Variants in HDAC8 observed in about 807,000 individuals in gnomAD.
HDAC8 encodes histone deacetylase 8, also known as histone deacetylase-like 1.
HDAC8 carries 1 observed loss-of-function variant against 32.2 expected under a neutral mutation model. That is an observed-to-expected ratio of 0.03 (90% CI 0.01 to 0.15). The LOEUF (loss-of-function observed/expected upper bound fraction) is 0.15, where lower values mean the gene tolerates loss of function less well. HDAC8 is among the 10% of genes least tolerant of loss of function. The probability of loss-of-function intolerance (pLI) is 1.00; values close to 1 mark genes in which losing one functional copy is unlikely to be tolerated. For synonymous variants in HDAC8, 108 were observed against 113.9 expected, an observed-to-expected ratio of 0.95 and a Z score of 0.33; for missense variants, 117 against 300.0, an observed-to-expected ratio of 0.39 and a Z score of 4.51.
intron 6 of HDAC8, 38 bp downstream of exon 6, chrX:72,490,891 T>A (rs2048849769): frequency 1.0e-6 from 1 of 952,459 alleles, no homozygotes; most frequent in African/African-American, 1.9e-5. Context: ...TTTCAGTATT[T>A]AGTCATCAAA....
intron 9 of HDAC8, among the ~76,000 whole-genome samples, chrX:72,442,548 A>C (rs1420663652): frequency 8.9e-6 from 1 of 112,066 alleles, no homozygotes; most frequent in Non-Finnish European, 1.9e-5. Context: ...CTAAACATGG[A>C]AAAGAACAAC....
chrX:72,367,534 C>T (rs781896156), intron 9 of HDAC8, among the ~76,000 whole-genome samples: 48 of 112,264 alleles, frequency 4.3e-4, no homozygotes, highest in Non-Finnish European at 8.5e-4. Context: ...ATTTTCATTA[C>T]AAAAACTCTA....
intron 7 of HDAC8, among the ~76,000 whole-genome samples, chrX:72,484,207 C>G (rs1354668235): frequency 1.8e-5 from 2 of 111,465 alleles, no homozygotes; most frequent in African/African-American, 6.5e-5. Flanking sequence ...GAACTCAAGG[C>G]AAATAGGCCA....
At chrX:72,412,177 A>G (rs1375666939) in intron 9 of HDAC8, among the ~76,000 whole-genome samples, 1 of 111,913 alleles carries the variant, frequency 8.9e-6, no homozygotes, top group Non-Finnish European at 1.9e-5. Context: ...AATACTTCTT[A>G]AGAGTAGGAC....
chrX:72,432,679 C>A (rs782231469), intron 9 of HDAC8, among the ~76,000 whole-genome samples: 15 of 110,984 alleles, frequency 1.4e-4, no homozygotes, highest in Non-Finnish European at 2.5e-4. Context: ...TCTATCTCCA[C>A]TCCCCATATG....
At chrX:72,532,433 G>T (rs782061503) in intron 4 of HDAC8, among the ~76,000 whole-genome samples, 7 of 106,065 alleles carry the variant, frequency 6.6e-5, no homozygotes, top group African/African-American at 2.1e-4. Flanking sequence ...ATGTATGAAG[G>T]TTCCAATTTC....
At chrX:72,474,604 T>G (rs2048278304) in intron 7 of HDAC8, 3 of 1,182,885 alleles carry the variant, frequency 2.5e-6, no homozygotes, top group African/African-American at 1.8e-5. Context: ...AAATGCAGTT[T>G]TCTTGATGAG....
intron 9 of HDAC8, among the ~76,000 whole-genome samples, chrX:72,355,028 G>A (rs1425969943): frequency 1.8e-5 from 2 of 112,087 alleles, no homozygotes; most frequent in African/African-American, 6.5e-5. Flanking sequence ...AGATGAGTCT[G>A]TTCTTCCTGC....
chrX:72,497,949 C>T (rs782574885), intron 4 of HDAC8, among the ~76,000 whole-genome samples: 97 of 110,524 alleles, frequency 8.8e-4, no homozygotes, highest in Non-Finnish European at 1.5e-3. Flanking sequence ...ATACTTGGGC[C>T]TGGTAATGAA....
At chrX:72,447,680 T>G (rs1373316772) in intron 9 of HDAC8, among the ~76,000 whole-genome samples, 1 of 111,983 alleles carries the variant, frequency 8.9e-6, no homozygotes, top group Non-Finnish European at 1.9e-5. Context: ...ATTGTATATT[T>G]AGAAAACCCC....
chrX:72,452,972 G>T (rs1027201998), intron 9 of HDAC8, among the ~76,000 whole-genome samples: 2 of 110,593 alleles, frequency 1.8e-5, no homozygotes, highest in Non-Finnish European at 3.8e-5. Flanking sequence ...AGTGAGGAGA[G>T]AAATTAAAAA....
chrX:72,511,224 A>G (rs1245965675), intron 4 of HDAC8, among the ~76,000 whole-genome samples: 6 of 112,181 alleles, frequency 5.3e-5, no homozygotes, highest in Non-Finnish European at 1.1e-4. Flanking sequence ...AGAAAATTCA[A>G]TTAACCAGAA....
chrX:72,542,833 T>C (rs909211406), intron 4 of HDAC8, among the ~76,000 whole-genome samples: 1 of 112,501 alleles, frequency 8.9e-6, no homozygotes, highest in African/African-American at 3.2e-5. Context: ...GTCTCACACC[T>C]GAATGATTCA....
intron 2 of HDAC8, among the ~76,000 whole-genome samples, chrX:72,571,220 G>A (rs1307753584): frequency 4.5e-5 from 5 of 111,902 alleles, no homozygotes; most frequent in African/African-American, 1.6e-4. Flanking sequence ...CACCACGCCC[G>A]GCCTTCTTTG....
chrX:72,438,229 CCAG>C (rs1305375337), intron 9 of HDAC8, among the ~76,000 whole-genome samples: 5 of 112,008 alleles, frequency 4.5e-5, no homozygotes, highest in Admixed American at 1.9e-4. Flanking sequence ...CCAGCAAACT[CCAG>C]CACACCTGCA....
chrX:72,351,076 C>A (rs1309844608), intron 10 of HDAC8, among the ~76,000 whole-genome samples: 1 of 111,580 alleles, frequency 9.0e-6, no homozygotes, highest in Non-Finnish European at 1.9e-5. Context: ...AGCCCCCTCC[C>A]CACCCCTGCT....
At chrX:72,521,215 A>AT (rs201662496) in intron 4 of HDAC8, among the ~76,000 whole-genome samples, 5,983 of 107,679 alleles carry the variant, frequency 0.056, 415 homozygotes, top group African/African-American at 0.19. Context: ...CAAAACAGTG[A>AT]TTTTTTTTTT....
At chrX:72,336,237 G>C (rs1347072727) in intron 10 of HDAC8, among the ~76,000 whole-genome samples, 2 of 111,767 alleles carry the variant, frequency 1.8e-5, no homozygotes, top group Non-Finnish European at 3.8e-5. Context: ...ATATGTAATG[G>C]TATCTCATTT....
chrX:72,383,646 G>A (rs1424259918), intron 9 of HDAC8, among the ~76,000 whole-genome samples: 1 of 110,687 alleles, frequency 9.0e-6, no homozygotes, highest in South Asian at 3.9e-4. Context: ...CGAGGCGGGC[G>A]GATCACGAGG....
Sources: gnomAD v4.1 joint callset for allele counts (sites outside exome capture counted in the v4.1 genomes callset) on GRCh38, gnomAD v4.1.1 for gene constraint, MANE v1.5 for transcripts, NCBI Gene and HGNC (gene_info 2026-07-23, HGNC 2026-07-21) for gene names.